The following DKK3 variants were observed in gnomAD, a reference collection of about 807,000 sequenced individuals.
The protein encoded by DKK3 is dickkopf-related protein 3.
In DKK3, 22 loss-of-function variants were observed where a neutral mutation model predicts 33.2. That is an observed-to-expected ratio of 0.66 (90% CI 0.47 to 0.95). The LOEUF (loss-of-function observed/expected upper bound fraction) is 0.95. Among genes scored for constraint, DKK3 ranks in the 40% least tolerant of loss-of-function variants. The pLI is 0.00. For synonymous variants in DKK3, 194 were observed against 188.8 expected, an observed-to-expected ratio of 1.03 and a Z score of -0.23; for missense variants, 398 against 458.4, an observed-to-expected ratio of 0.87 and a Z score of 1.20.
At chr11:11,994,918 G>C (rs1048126522) in intron 3 of DKK3, among the ~76,000 whole-genome samples, 15 of 152,112 alleles carry the variant, frequency 9.9e-5, no homozygotes, top group Non-Finnish European at 2.9e-5. Flanking sequence ...CACAACATGC[G>C]GTCTCACACT....
upstream of DKK3, chr11:12,009,339 G>A: frequency 1.3e-5 from 13 of 973,206 alleles, no homozygotes; most frequent in Non-Finnish European, 1.6e-5. Flanking sequence ...CGCAAGACGC[G>A]CCCCGCCCGC....
intron 3 of DKK3, among the ~76,000 whole-genome samples, chr11:11,970,163 G>A (rs1847693716): frequency 6.6e-6 from 1 of 152,206 alleles, no homozygotes; most frequent in Non-Finnish European, 1.5e-5. Flanking sequence ...GAGAAAGGAA[G>A]GGCCAACAGG....
chr11:11,966,491 G>A (rs1008758588), intron 5 of DKK3, among the ~76,000 whole-genome samples: 3 of 152,154 alleles, frequency 2.0e-5, no homozygotes, highest in Non-Finnish European at 4.4e-5. Flanking sequence ...TCACGGAGGC[G>A]GCAGGTACAG....
At chr11:11,974,716 T>A (rs1847796597) in intron 3 of DKK3, among the ~76,000 whole-genome samples, 2 of 152,136 alleles carry the variant, frequency 1.3e-5, no homozygotes, top group African/African-American at 2.4e-5. Flanking sequence ...AGCACGTGCT[T>A]GACTCGCAGC....
Position 11,983,758 on chromosome 11 carries a change from G to A in DKK3, c.435+14938C>T, listed in dbSNP as rs563717650. Among the ~76,000 whole-genome samples the A allele has an allele frequency of 4.6e-5, 7 of 152,354 alleles. No individual in the cohort carries two copies. In the South Asian group the frequency reaches 8.3e-4, roughly 18 times the overall value. On this transcript the variant is annotated intron_variant, in intron 3 of 6. Transcript: ENST00000683431. ...AATGGTCCATCTGGGAGATGCCCCA[G>A]GATGAGCTGGGCACTCCTACATCTG...
At chr11:11,992,921 C>T (rs898774120) in intron 3 of DKK3, among the ~76,000 whole-genome samples, 37 of 152,124 alleles carry the variant, frequency 2.4e-4, no homozygotes, top group African/African-American at 7.5e-4. Flanking sequence ...ATAAACAAAA[C>T]GAAGATATCT....
At chr11:12,002,707 A>G (rs1364552084) in intron 1 of DKK3, among the ~76,000 whole-genome samples, 1 of 152,150 alleles carries the variant, frequency 6.6e-6, no homozygotes. Flanking sequence ...AGACTAGATA[A>G]ATTCCCCAGA....
At chr11:11,989,168 T>C (rs1427029027) in intron 3 of DKK3, among the ~76,000 whole-genome samples, 1 of 152,224 alleles carries the variant, frequency 6.6e-6, no homozygotes, top group East Asian at 1.9e-4. Flanking sequence ...AAAAATAGAA[T>C]GACCTTATGA....
intron 3 of DKK3, among the ~76,000 whole-genome samples, chr11:11,994,008 G>A (rs1013268645): frequency 3.3e-5 from 5 of 152,060 alleles, no homozygotes; most frequent in African/African-American, 1.2e-4. Context: ...ACAACAGCGG[G>A]ATGAGTCAGC....
chr11:12,000,948 CATAT>C lies in DKK3; in HGVS notation c.351+1348_351+1351del, dbSNP rs1204248268. ...CATTTTACAGTTTACAATGAACTTT[CATAT>C]ACTTTAGGTCATTTGACCTGCACAG... On this transcript the variant is annotated intron_variant, in intron 2 of 6. Coordinates refer to ENST00000683431, the MANE Select transcript of DKK3 (RefSeq NM_001018057.2). Among the ~76,000 whole-genome samples, 4 of 152,288 alleles carry C rather than the reference CATAT, an allele frequency of 2.6e-5. No homozygotes were observed. In the East Asian group the frequency reaches 7.7e-4, roughly 29 times the overall value.
At chr11:11,973,027 A>G (rs1254413840) in intron 3 of DKK3, among the ~76,000 whole-genome samples, 2 of 152,086 alleles carry the variant, frequency 1.3e-5, no homozygotes, top group African/African-American at 4.8e-5. Flanking sequence ...GCCTCTATCT[A>G]CCTCTTAGCC....
chr11:11,965,991 G>T (rs1224589979), intron 5 of DKK3, 26 bp from the exon 6 acceptor site: 5 of 1,596,242 alleles, frequency 3.1e-6, no homozygotes, highest in Non-Finnish European at 3.4e-6. Context: ...AGTCACCCCT[G>T]TGTGCCCCGT....
At chr11:12,008,988 G>A (rs1289492947), upstream of DKK3, 6 of 998,714 alleles carry the variant, frequency 6.0e-6, no homozygotes, top group Admixed American at 6.0e-5. The surrounding 1 kb of genome is among the most constrained non-coding windows in gnomAD (Gnocchi z 4.6). Flanking sequence ...TCCTCGACCA[G>A]GTCAGAGTGC....
At chr11:12,002,027 A>G (rs1848439001) in intron 2 of DKK3, 5 of 293,350 alleles carry the variant, frequency 1.7e-5, no homozygotes, top group Non-Finnish European at 2.5e-5. Context: ...TTTTTTTCAA[A>G]TGATAATCCC....
At chr11:11,982,807 T>A (rs1256579969) in intron 3 of DKK3, among the ~76,000 whole-genome samples, 2 of 152,180 alleles carry the variant, frequency 1.3e-5, no homozygotes, top group Admixed American at 1.3e-4. Flanking sequence ...AGAAAACTCC[T>A]CTGGAGGCCC....
intron 3 of DKK3, among the ~76,000 whole-genome samples, chr11:11,976,260 A>G (rs144476046): frequency 6.6e-6 from 1 of 152,212 alleles, no homozygotes; most frequent in Non-Finnish European, 1.5e-5. Context: ...GGGGAAGACA[A>G]GAAGAAGGAG....
intron 3 of DKK3, among the ~76,000 whole-genome samples, chr11:11,988,041 C>T (rs961580409): frequency 5.9e-5 from 9 of 152,232 alleles, no homozygotes; most frequent in Non-Finnish European, 1.2e-4. Flanking sequence ...ATTAAATCCT[C>T]TTTTCACAGA....
At chr11:12,003,741 T>TA (rs1225900178) in intron 1 of DKK3, among the ~76,000 whole-genome samples, 4 of 148,714 alleles carry the variant, frequency 2.7e-5, no homozygotes, top group East Asian at 2.0e-4. Flanking sequence ...TTTTTATTTT[T>TA]TTTTTTAAAA....
rs944485221 is a variant in DKK3, at chr11:11,978,059, T to TA, written c.436-9573dup. Among the ~76,000 whole-genome samples the TA allele has an allele frequency of 6.4e-4, 97 of 152,228 alleles. 1 individual carries two copies. The highest frequency in any genetic ancestry group is 2.2e-3 in the African/African-American group (92 of 41,554). On this transcript the variant is annotated intron_variant, in intron 3 of 6. Transcript: ENST00000683431. ...TCAATTATTACATGGGACACACTCA[T>TA]ACCAAAAATTATTTTAGATTCTATA... is the stretch of plus-strand genomic sequence containing the variant.
Sources: allele counts gnomAD v4.1 joint callset (sites outside exome capture counted in the v4.1 genomes callset), GRCh38; gene constraint gnomAD v4.1.1; non-coding constraint Gnocchi (gnomAD v3.1); transcripts MANE v1.5; gene names NCBI Gene and HGNC (gene_info 2026-07-23, HGNC 2026-07-21).